PLCH1: variants seen among roughly 807,000 people sequenced by gnomAD.
PLCH1 encodes phospholipase C eta 1, also known as 1-phosphatidylinositol 4,5-bisphosphate phosphodiesterase eta-1.
In PLCH1, 60 loss-of-function variants were observed where a neutral mutation model predicts 126.7. The ratio of observed to expected loss-of-function variants is 0.47; its 90% CI spans 0.38 to 0.59. The LOEUF (loss-of-function observed/expected upper bound fraction) is 0.59. PLCH1 is among the 20% of genes least tolerant of loss of function. PLCH1 has a pLI of 0.00. For missense variants in PLCH1, 1,723 were observed against 2,040.0 expected (o/e 0.84, Z 2.99); for synonymous variants, 719 against 734.9 (o/e 0.98, Z 0.35).
intron 1 of PLCH1, among the ~76,000 whole-genome samples, chr3:155,715,113 AGCAT>A (rs1449929809): frequency 6.6e-6 from 1 of 152,196 alleles, no homozygotes; most frequent in African/African-American, 2.4e-5. Context: ...CAAATGTTTT[AGCAT>A]GAAGTTGTTC....
At chr3:155,583,201 A>G (rs1237603770) in intron 6 of PLCH1, among the ~76,000 whole-genome samples, 1 of 126,698 alleles carries the variant, frequency 7.9e-6, no homozygotes, top group Non-Finnish European at 1.9e-5. Context: ...GTATTAAAAT[A>G]TTAACATTCA....
At chr3:155,461,951 A>G (rs989986875) in intron 21 of PLCH1, among the ~76,000 whole-genome samples, 4 of 152,234 alleles carry the variant, frequency 2.6e-5, no homozygotes, top group Admixed American at 2.6e-4. Context: ...AGGTGGAACT[A>G]GGACCACCCT....
chr3:155,545,786 A>C (rs1446027358), intron 10 of PLCH1, among the ~76,000 whole-genome samples: 1 of 151,970 alleles, frequency 6.6e-6, no homozygotes, highest in East Asian at 1.9e-4. Flanking sequence ...AAAGACAAAA[A>C]CCACATGATT....
At position 155,655,451 on chromosome 3, in the gene PLCH1, A is replaced by AGAAGAG. The variant is rs1397852447; in HGVS notation, c.79+48694_79+48695insCTCTTC. 1.6e-4 allele frequency among the ~76,000 whole-genome samples: 24 copies of AGAAGAG among 152,018 alleles called. No individual in the cohort carries two copies. In the South Asian group the frequency reaches 5.0e-3, roughly 32 times the overall value. ...TGTGAGAAAAAAAAAAAGAAGAAGA[A>AGAAGAG]GAAGAAGAGAAAATATTCCCCTTTA... On this transcript the variant is annotated intron_variant, in intron 2 of 22. Transcript: ENST00000460012.
chr3:155,672,735 C>A (rs2108989173), intron 2 of PLCH1, among the ~76,000 whole-genome samples: 1 of 152,180 alleles, frequency 6.6e-6, no homozygotes, highest in Non-Finnish European at 1.5e-5. Context: ...CTAATTTATC[C>A]CAAATACAAG....
intron 2 of PLCH1, among the ~76,000 whole-genome samples, chr3:155,665,424 G>A (rs1742615313): frequency 6.6e-6 from 1 of 152,164 alleles, no homozygotes; most frequent in Admixed American, 6.5e-5. Flanking sequence ...TTTCAGAAGG[G>A]GACATTCAGG....
intron 21 of PLCH1, among the ~76,000 whole-genome samples, chr3:155,468,524 G>A (rs766224017): frequency 6.6e-6 from 1 of 152,044 alleles, no homozygotes; most frequent in African/African-American, 2.4e-5. Flanking sequence ...GACACACATA[G>A]ACTGAAAATA....
At chr3:155,726,864 T>A (rs1371149572) in intron 1 of PLCH1, among the ~76,000 whole-genome samples, 4 of 148,784 alleles carry the variant, frequency 2.7e-5, no homozygotes, top group African/African-American at 5.0e-5. Context: ...CCCGGCTAAT[T>A]TTTTTTCTTT....
chr3:155,542,439 G>C (rs928271525), intron 10 of PLCH1, among the ~76,000 whole-genome samples: 2 of 152,178 alleles, frequency 1.3e-5, no homozygotes, highest in African/African-American at 2.4e-5. Flanking sequence ...GCCTCTGTAG[G>C]CTCCACCTCT....
intron 2 of PLCH1, among the ~76,000 whole-genome samples, chr3:155,675,134 C>G (rs994903342): frequency 6.6e-6 from 1 of 152,170 alleles, no homozygotes; most frequent in Admixed American, 6.5e-5. Context: ...AATGCTGGTA[C>G]TGGGAACATG....
intron 11 of PLCH1, among the ~76,000 whole-genome samples, chr3:155,522,703 T>C (rs1051752201): frequency 2.1e-4 from 19 of 91,702 alleles, no homozygotes; most frequent in African/African-American, 8.5e-4. Flanking sequence ...ATACAAAATT[T>C]CTCTCTCTTT....
intron 22 of PLCH1, among the ~76,000 whole-genome samples, chr3:155,483,770 A>C (rs902136530): frequency 4.9e-4 from 74 of 152,186 alleles, no homozygotes; most frequent in Non-Finnish European, 7.5e-4. Context: ...CAGGCACAGT[A>C]AAGGAAAACC....
intron 2 of PLCH1, among the ~76,000 whole-genome samples, chr3:155,619,290 CAGTGTACAGTACAGGAGT>C (rs111762889): frequency 0.37 from 44,281 of 119,586 alleles, 7,084 homozygotes; most frequent in East Asian, 0.56. Context: ...GTGTACAGGG[CAGTGTACAGTACAGGAGT>C]AGTGTACAGG....
chr3:155,534,862 G>T (rs1466663421), intron 10 of PLCH1, among the ~76,000 whole-genome samples: 1 of 152,134 alleles, frequency 6.6e-6, no homozygotes, highest in Non-Finnish European at 1.5e-5. Flanking sequence ...TTGTGAAGAA[G>T]GTGCCTGCTT....
chr3:155,534,734 T>C (rs925278743), intron 10 of PLCH1, among the ~76,000 whole-genome samples: 1 of 152,144 alleles, frequency 6.6e-6, no homozygotes, highest in Admixed American at 6.5e-5. Context: ...TGGGAGGTAA[T>C]TGGATCATGG....
At chr3:155,555,578 G>A (rs1726719228) in intron 8 of PLCH1, among the ~76,000 whole-genome samples, 1 of 152,130 alleles carries the variant, frequency 6.6e-6, no homozygotes, top group Non-Finnish European at 1.5e-5. Flanking sequence ...TTGTTAAAAG[G>A]ACAATGTTGC....
At chr3:155,617,031 T>C (rs1560253759) in intron 2 of PLCH1, among the ~76,000 whole-genome samples, 1 of 152,184 alleles carries the variant, frequency 6.6e-6, no homozygotes, top group Non-Finnish European at 1.5e-5. Context: ...AAAATAGTGC[T>C]TAATTTTATT....
intron 8 of PLCH1, among the ~76,000 whole-genome samples, chr3:155,556,815 CA>C (rs1259598866): frequency 7.9e-5 from 12 of 152,122 alleles, no homozygotes; most frequent in African/African-American, 2.9e-4. Flanking sequence ...TCAGATTTGC[CA>C]ACACCCACAA....
intron 21 of PLCH1, among the ~76,000 whole-genome samples, chr3:155,473,463 G>C (rs1257655395): frequency 5.3e-5 from 8 of 151,682 alleles, no homozygotes; most frequent in Non-Finnish European, 7.4e-5. Flanking sequence ...ATGCTCATGG[G>C]TAGGAAGAAT....
Sources: gnomAD v4.1 joint callset for allele counts (sites outside exome capture counted in the v4.1 genomes callset) on GRCh38, gnomAD v4.1.1 for gene constraint, MANE v1.5 for transcripts, NCBI Gene and HGNC (gene_info 2026-07-23, HGNC 2026-07-21) for gene names.